CNTN5: variants seen among roughly 807,000 people sequenced by gnomAD.
The protein encoded by CNTN5 is contactin-5.
Under a neutral mutation model 129.1 loss-of-function variants are expected in CNTN5, and 77 were observed. That is an observed-to-expected ratio of 0.60 (90% CI 0.50 to 0.72). The LOEUF (loss-of-function observed/expected upper bound fraction) is 0.72, where lower values mean the gene tolerates loss of function less well. CNTN5 is among the 30% of genes least tolerant of loss of function. The pLI, the probability that CNTN5 is intolerant of heterozygous loss-of-function variation, is 0.00. For missense variants in CNTN5, 1,478 were observed against 1,328.8 expected (o/e 1.11, Z -1.75); for synonymous variants, 509 against 465.6 (o/e 1.09, Z -1.20).
intron 1 of CNTN5, among the ~76,000 whole-genome samples, chr11:99,127,793 G>A (rs1308422139): frequency 1.3e-5 from 2 of 152,080 alleles, no homozygotes; most frequent in Non-Finnish European, 2.9e-5. Flanking sequence ...CTTTAGGGCT[G>A]TGTGAGGTAT....
intron 15 of CNTN5, among the ~76,000 whole-genome samples, chr11:100,202,823 G>C (rs1948814193): frequency 6.6e-6 from 1 of 151,904 alleles, no homozygotes; most frequent in Non-Finnish European, 1.5e-5. Flanking sequence ...CCTCCCTAAT[G>C]AAGACCTGAG....
intron 1 of CNTN5, among the ~76,000 whole-genome samples, chr11:99,113,914 T>C (rs928503179): frequency 2.6e-5 from 4 of 152,214 alleles, no homozygotes; most frequent in African/African-American, 9.6e-5. Context: ...TACTAAGTTT[T>C]AGTTTTTACT....
At position 99,572,483 on chromosome 11, in the gene CNTN5, G is replaced by C. The variant is rs12577294; in HGVS notation, c.55+16214G>C. On this transcript the variant is annotated intron_variant, in intron 3 of 24. Transcript: ENST00000524871. ...AGTTTGCCTAAAAAGGTCCTTTTTAGTTTGCCTAAGTGTCCAGAGTTGGTC... is the reference window on the plus strand; with the variant it reads ...AGTTTGCCTAAAAAGGTCCTTTTTACTTTGCCTAAGTGTCCAGAGTTGGTC... Among the ~76,000 whole-genome samples, 806 of 152,264 alleles carry C rather than the reference G, an allele frequency of 5.3e-3. 24 individuals carry two copies. In the East Asian group the frequency reaches 0.099, roughly 19 times the overall value.
chr11:99,730,911 A>G (rs7940098), intron 3 of CNTN5, among the ~76,000 whole-genome samples: 55,843 of 151,948 alleles, frequency 0.37, 10,681 homozygotes, highest in South Asian at 0.56. Flanking sequence ...AAGTGTATGC[A>G]TGTACCCATT....
intron 2 of CNTN5, among the ~76,000 whole-genome samples, chr11:99,555,652 G>A (rs1171850696): frequency 6.6e-6 from 1 of 151,848 alleles, no homozygotes; most frequent in Non-Finnish European, 1.5e-5. Context: ...AAAGGAAGTT[G>A]ACATTAATAA....
chr11:100,273,012 C>T (rs1950434864), intron 18 of CNTN5, among the ~76,000 whole-genome samples: 1 of 152,106 alleles, frequency 6.6e-6, no homozygotes, highest in South Asian at 2.1e-4. Context: ...AGACTTTAGC[C>T]CTAGGGGAAC....
At chr11:99,406,120 G>C (rs1942052582) in intron 2 of CNTN5, among the ~76,000 whole-genome samples, 1 of 151,596 alleles carries the variant, frequency 6.6e-6, no homozygotes, top group African/African-American at 2.4e-5. Flanking sequence ...ATGTTTACCT[G>C]TTTCTACGCA....
chr11:99,132,781 C>G (rs899378431), intron 1 of CNTN5, among the ~76,000 whole-genome samples: 3 of 152,176 alleles, frequency 2.0e-5, no homozygotes, highest in Admixed American at 1.3e-4. Flanking sequence ...AGAAACATTA[C>G]ATACTCATTC....
intron 3 of CNTN5, among the ~76,000 whole-genome samples, chr11:99,769,344 T>A (rs995469073): frequency 6.6e-6 from 1 of 152,156 alleles, no homozygotes; most frequent in Non-Finnish European, 1.5e-5. Context: ...GTATGAGATA[T>A]GCTCATTGCT....
intron 13 of CNTN5, among the ~76,000 whole-genome samples, chr11:100,105,863 C>G (rs548563775): frequency 6.6e-6 from 1 of 152,320 alleles, no homozygotes; most frequent in Admixed American, 6.5e-5. Flanking sequence ...GCAAGTCTTT[C>G]ACACATGCAA....
At chr11:99,722,761 T>C (rs1277661940) in intron 3 of CNTN5, among the ~76,000 whole-genome samples, 1 of 151,964 alleles carries the variant, frequency 6.6e-6, no homozygotes, top group Non-Finnish European at 1.5e-5. Context: ...TAAGACCCTG[T>C]CTTTTACTGA....
chr11:99,092,601 A>G (rs1014822745), intron 1 of CNTN5, among the ~76,000 whole-genome samples: 7 of 152,106 alleles, frequency 4.6e-5, no homozygotes, highest in African/African-American at 1.7e-4. Context: ...ATCAATTTTA[A>G]TATCCATTAA....
intron 13 of CNTN5, among the ~76,000 whole-genome samples, chr11:100,143,789 C>T (rs1187065196): frequency 2.6e-5 from 4 of 152,078 alleles, no homozygotes; most frequent in Admixed American, 6.6e-5. Flanking sequence ...TCAGAGCTTT[C>T]ACGGGAAAGG....
chr11:99,571,102 T>C (rs1019488763), intron 3 of CNTN5, among the ~76,000 whole-genome samples: 1 of 152,166 alleles, frequency 6.6e-6, no homozygotes, highest in Admixed American at 6.6e-5. Flanking sequence ...TATAAGTTAA[T>C]AACACGTAAA....
At chr11:99,460,918 G>T (rs1054133055) in intron 2 of CNTN5, among the ~76,000 whole-genome samples, 5 of 151,930 alleles carry the variant, frequency 3.3e-5, no homozygotes, top group African/African-American at 1.2e-4. Context: ...ATGCCCATAT[G>T]AAGATTTGTT....
At chr11:99,641,980 T>G (rs1591407823) in intron 3 of CNTN5, among the ~76,000 whole-genome samples, 1 of 152,296 alleles carries the variant, frequency 6.6e-6, no homozygotes, top group South Asian at 2.1e-4. Context: ...GGGAAGCATG[T>G]GACCTCCTCC....
intron 2 of CNTN5, among the ~76,000 whole-genome samples, chr11:99,454,764 A>T (rs527972651): frequency 6.6e-6 from 1 of 152,278 alleles, no homozygotes; most frequent in South Asian, 2.1e-4. Flanking sequence ...ATACCTGATA[A>T]CATTATAAAT....
chr11:99,419,638 C>A (rs1942801280), intron 2 of CNTN5, among the ~76,000 whole-genome samples: 1 of 152,076 alleles, frequency 6.6e-6, no homozygotes, highest in Admixed American at 6.6e-5. Context: ...GTATCATTCC[C>A]AATTTTTAAA....
chr11:100,311,500 A>T (rs1256763873), intron 21 of CNTN5, among the ~76,000 whole-genome samples: 1 of 152,026 alleles, frequency 6.6e-6, no homozygotes, highest in Non-Finnish European at 1.5e-5. Context: ...TCATAAGGTT[A>T]TAAATAGTTT....
Sources: allele counts gnomAD v4.1 joint callset (sites outside exome capture counted in the v4.1 genomes callset), GRCh38; gene constraint gnomAD v4.1.1; transcripts MANE v1.5; gene names NCBI Gene and HGNC (gene_info 2026-07-23, HGNC 2026-07-21).